The following SLC35F2 variants were observed in gnomAD, a reference collection of about 807,000 sequenced individuals.
SLC35F2 encodes queuine/queuosine transporter SLC35F2.
In SLC35F2, 25 loss-of-function variants were observed where a neutral mutation model predicts 38.1. The ratio of observed to expected loss-of-function variants is 0.66; its 90% CI spans 0.48 to 0.92. The LOEUF is 0.92. Among genes scored for constraint, SLC35F2 ranks in the 40% least tolerant of loss-of-function variants. The pLI is 0.00. For synonymous variants in SLC35F2, 173 were observed against 181.7 expected, an observed-to-expected ratio of 0.95 and a Z score of 0.38; for missense variants, 409 against 452.9, an observed-to-expected ratio of 0.90 and a Z score of 0.88.
intron 1 of SLC35F2, among the ~76,000 whole-genome samples, chr11:107,854,134 T>C (rs1002788532): frequency 1.3e-5 from 2 of 152,112 alleles, no homozygotes; most frequent in Non-Finnish European, 2.9e-5. Flanking sequence ...TCTGACAGTA[T>C]ACAATTAAAT....
intron 1 of SLC35F2, among the ~76,000 whole-genome samples, chr11:107,819,776 G>T (rs1168502860): frequency 2.6e-5 from 4 of 152,170 alleles, no homozygotes; most frequent in Non-Finnish European, 5.9e-5. Context: ...ATATTTCATT[G>T]TTCAATTAAT....
intron 3 of SLC35F2, chr11:107,811,137 A>G (rs913489680): frequency 2.0e-6 from 2 of 984,908 alleles, no homozygotes; most frequent in African/African-American, 3.5e-5. Flanking sequence ...CTTCAACTTT[A>G]CAAAGTTGAA....
At chr11:107,854,205 G>C (rs1173521433) in intron 1 of SLC35F2, among the ~76,000 whole-genome samples, 1 of 152,048 alleles carries the variant, frequency 6.6e-6, no homozygotes, top group Non-Finnish European at 1.5e-5. Flanking sequence ...GCCAAGGCAG[G>C]TGGATCACTT....
chr11:107,807,964 T>C (rs778623251), intron 3 of SLC35F2, among the ~76,000 whole-genome samples: 1 of 152,220 alleles, frequency 6.6e-6, no homozygotes, highest in African/African-American at 2.4e-5. Flanking sequence ...ACACCTTGCA[T>C]GTGTGAGACA....
At chr11:107,809,528 A>G (rs1178757423) in intron 3 of SLC35F2, 2 of 199,038 alleles carry the variant, frequency 1.0e-5, no homozygotes, top group African/African-American at 4.8e-5. Flanking sequence ...GCTGCTCAGG[A>G]GGCTAAGGCA....
chr11:107,792,868 A>G (rs994277245), intron 7 of SLC35F2, 68 bp from the exon 8 acceptor site: 2 of 1,447,790 alleles, frequency 1.4e-6, no homozygotes, highest in South Asian at 1.6e-5. Context: ...GCTTTTGCCA[A>G]CTGTGCTTCG....
intron 4 of SLC35F2, 24 bp from the exon 5 acceptor site, chr11:107,805,539 A>G: frequency 1.2e-6 from 2 of 1,606,826 alleles, no homozygotes; most frequent in Non-Finnish European, 8.5e-7. Flanking sequence ...AGCCACAGAA[A>G]GCAAAACACT....
chr11:107,818,134 A>G (rs960947058), intron 1 of SLC35F2, among the ~76,000 whole-genome samples: 3 of 147,238 alleles, frequency 2.0e-5, no homozygotes, highest in African/African-American at 7.4e-5. Flanking sequence ...GAAAGAAAGA[A>G]AAAGAAACAA....
intron 3 of SLC35F2, 95 bp from the exon 4 acceptor site, chr11:107,806,971 A>G (rs896044226): frequency 8.7e-7 from 1 of 1,143,382 alleles, no homozygotes; most frequent in Non-Finnish European, 1.2e-6. Flanking sequence ...TTATAATAGG[A>G]GTCAGTATTT....
intron 2 of SLC35F2, among the ~76,000 whole-genome samples, chr11:107,815,118 C>T (rs1414801847): frequency 2.0e-5 from 3 of 151,874 alleles, no homozygotes; most frequent in South Asian, 2.1e-4. Flanking sequence ...GTGCAACTGA[C>T]GTTCCATTTA....
intron 1 of SLC35F2, among the ~76,000 whole-genome samples, chr11:107,818,298 G>A (rs1490329595): frequency 6.6e-6 from 1 of 152,046 alleles, no homozygotes; most frequent in African/African-American, 2.4e-5. Context: ...AGGCACAGTA[G>A]TGCACGCCTG....
At chr11:107,803,423 G>C (rs1417975150) in intron 6 of SLC35F2, 6 of 985,050 alleles carry the variant, frequency 6.1e-6, no homozygotes, top group African/African-American at 1.7e-5. Flanking sequence ...TGGTGTGACA[G>C]TCCATTGCTC....
intron 7 of SLC35F2, among the ~76,000 whole-genome samples, chr11:107,802,237 C>CA (rs1196154388): frequency 8.0e-5 from 9 of 112,432 alleles, no homozygotes; most frequent in African/African-American, 2.9e-4. Context: ...GACTCCATCT[C>CA]AAAAAAAATA....
chr11:107,817,999 G>A (rs1289725883), intron 1 of SLC35F2, among the ~76,000 whole-genome samples: 1 of 146,460 alleles, frequency 6.8e-6, no homozygotes, highest in African/African-American at 2.5e-5. Context: ...GGAGTTTGCA[G>A]TGAGCCGAGA....
At chr11:107,805,567 C>A (rs2134774907) in intron 4 of SLC35F2, 52 bp from the exon 5 acceptor site, 7 of 1,571,392 alleles carry the variant, frequency 4.5e-6, no homozygotes, top group Non-Finnish European at 4.3e-6. Flanking sequence ...GATGAACCTC[C>A]ACAGCGTGCC....
In SLC35F2 at chr11:107,858,747, C is replaced by T; in HGVS notation, c.21G>A (p.Ala7=). The T allele has an allele frequency of 2.4e-6, 3 of 1,275,756 alleles. No homozygotes were observed. Among genetic ancestry groups the T allele is most frequent in the Middle Eastern group, 2.1e-4 (1 of 4,832 alleles). 79.0% of individuals were successfully genotyped at this position (1,275,756 alleles called of 1,614,324 possible). ...CGAGGGGCTCTGGGGCGCCGGGGCC[C>T]GCTGGCGAGTCTGCCTCCATCGGCG... MEADSP[A]GPGAPEPLAE... is the part of the protein sequence containing the mutation. The change falls in exon 1 of 8, where the codon GCG becomes GCA. Residue 7 remains alanine, a synonymous_variant. Coordinates refer to ENST00000525815, the MANE Select transcript of SLC35F2 (RefSeq NM_017515.5).
intron 1 of SLC35F2, among the ~76,000 whole-genome samples, chr11:107,841,754 T>C (rs888212571): frequency 1.7e-4 from 26 of 151,972 alleles, no homozygotes; most frequent in Admixed American, 3.9e-4. Context: ...GGTGGATCAG[T>C]TGAGGCCAGA....
intron 7 of SLC35F2, 58 bp from the exon 8 acceptor site, chr11:107,792,858 G>C (rs1205541611): frequency 6.9e-7 from 1 of 1,453,840 alleles, no homozygotes; most frequent in African/African-American, 1.5e-5. Flanking sequence ...TTTGCTGCTG[G>C]CTTTTGCCAA....
chr11:107,805,220 C>G (rs1019815073), intron 5 of SLC35F2, 139 bp downstream of exon 5: 4 of 1,388,206 alleles, frequency 2.9e-6, no homozygotes, highest in African/African-American at 1.5e-5. Context: ...TAGGTAATGG[C>G]AAAACCACAA....
Sources: allele counts gnomAD v4.1 joint callset (sites outside exome capture counted in the v4.1 genomes callset), GRCh38; gene constraint gnomAD v4.1.1; transcripts MANE v1.5; gene names NCBI Gene and HGNC (gene_info 2026-07-23, HGNC 2026-07-21).